Variants in MED13L observed in about 807,000 individuals in gnomAD.
MED13L encodes the protein mediator complex subunit 13L.
A neutral mutation model predicts 220.9 loss-of-function variants in MED13L; 7 were observed. That is an observed-to-expected ratio of 0.03 (90% CI 0.02 to 0.06). MED13L has a LOEUF of 0.06. MED13L is among the 10% of genes least tolerant of loss of function. The pLI, the probability that MED13L is intolerant of heterozygous loss-of-function variation, is 1.00. For missense variants in MED13L, 1,965 were observed against 2,760.5 expected (o/e 0.71, Z 6.46); for synonymous variants, 1,011 against 1,015.2 (o/e 1.00, Z 0.08).
At chr12:116,232,683 A>G (rs376611218) in intron 2 of MED13L, among the ~76,000 whole-genome samples, 1 of 152,166 alleles carries the variant, frequency 6.6e-6, no homozygotes. Flanking sequence ...GGGGCAAGCA[A>G]TTGGCAGTTC....
intron 2 of MED13L, among the ~76,000 whole-genome samples, chr12:116,180,564 C>A (rs773411382): frequency 2.6e-5 from 4 of 152,076 alleles, no homozygotes; most frequent in Non-Finnish European, 5.9e-5. Flanking sequence ...TGGTCCCAAG[C>A]GTTTCAAATA....
At chr12:115,998,055 G>A (rs780850800) in intron 14 of MED13L, among the ~76,000 whole-genome samples, 6 of 152,118 alleles carry the variant, frequency 3.9e-5, no homozygotes, top group Non-Finnish European at 5.9e-5. Context: ...ATTTTTTCCA[G>A]ACAGATATTA....
intron 1 of MED13L, among the ~76,000 whole-genome samples, chr12:116,241,241 G>A (rs1223061411): frequency 6.6e-6 from 1 of 150,814 alleles, no homozygotes; most frequent in East Asian, 2.0e-4. Flanking sequence ...GGAGGCAGAG[G>A]TTGTAGTGAG....
At chr12:115,975,427 T>C (rs1453157081) in intron 24 of MED13L, 88 bp downstream of exon 24, 7 of 1,590,956 alleles carry the variant, frequency 4.4e-6, no homozygotes, top group African/African-American at 1.3e-5. Context: ...CTGTACCCAC[T>C]TCATTTACAT....
chr12:116,059,936 C>A (rs964739258), intron 4 of MED13L, among the ~76,000 whole-genome samples: 1 of 152,064 alleles, frequency 6.6e-6, no homozygotes, highest in Non-Finnish European at 1.5e-5. Context: ...ATAATACAAA[C>A]TGAAATATAC....
At position 116,107,244 on chromosome 12, in the gene MED13L, G is replaced by A. The variant is rs79177524; in HGVS notation, c.395+4184C>T. Reference sequence around the variant, plus strand: ...ACTATGTTATCTTCTGTCTGATATCGTTATGGACAATGCTCTTGAGTAAGT... The same window carrying A: ...ACTATGTTATCTTCTGTCTGATATCATTATGGACAATGCTCTTGAGTAAGT... On this transcript the variant is annotated intron_variant, in intron 3 of 30. Transcript: ENST00000281928. 8.3e-3 allele frequency among the ~76,000 whole-genome samples: 1,258 copies of A among 152,296 alleles called. 24 individuals carry two copies. Among genetic ancestry groups the A allele is most frequent in the African/African-American group, 0.029 (1,188 of 41,558 alleles).
chr12:116,237,024 T>A, intron 2 of MED13L: 1 of 294,204 alleles, frequency 3.4e-6, no homozygotes, highest in Non-Finnish European at 5.1e-6. Context: ...TTTGTCCAAT[T>A]AGGCTCAAAA....
intron 4 of MED13L, among the ~76,000 whole-genome samples, chr12:116,062,088 T>A (rs1869544916): frequency 6.6e-6 from 1 of 151,610 alleles, no homozygotes; most frequent in Non-Finnish European, 1.5e-5. Flanking sequence ...CTAACATTAA[T>A]ACCTTGAATC....
intron 1 of MED13L, among the ~76,000 whole-genome samples, chr12:116,247,545 G>A (rs1871198636): frequency 6.6e-6 from 1 of 152,192 alleles, no homozygotes; most frequent in Non-Finnish European, 1.5e-5. Flanking sequence ...CTCAGCCATA[G>A]CTATGTTGCT....
intron 2 of MED13L, among the ~76,000 whole-genome samples, chr12:116,203,042 A>G (rs922410308): frequency 6.6e-6 from 1 of 152,170 alleles, no homozygotes; most frequent in African/African-American, 2.4e-5. Context: ...AGAAACCAAC[A>G]CTGGACCTTT....
chr12:115,976,465 G>C (rs762362515), intron 23 of MED13L, among the ~76,000 whole-genome samples: 1 of 152,198 alleles, frequency 6.6e-6, no homozygotes, highest in African/African-American at 2.4e-5. Context: ...TACACTGTCA[G>C]AAGTCAGAAT....
chr12:116,200,054 A>G (rs146326106), intron 2 of MED13L, among the ~76,000 whole-genome samples: 269 of 147,906 alleles, frequency 1.8e-3, no homozygotes, highest in African/African-American at 6.6e-3. Flanking sequence ...AGCACTCTGG[A>G]TGGCCAAGGC....
intron 30 of MED13L, among the ~76,000 whole-genome samples, chr12:115,962,221 G>A (rs1875812807): frequency 6.6e-6 from 1 of 152,082 alleles, no homozygotes; most frequent in African/African-American, 2.4e-5. Context: ...TTGGCACCAG[G>A]GACCAGTTTC....
intron 2 of MED13L, among the ~76,000 whole-genome samples, chr12:116,152,377 G>T (rs1283327729): frequency 1.3e-5 from 2 of 152,112 alleles, no homozygotes; most frequent in Non-Finnish European, 2.9e-5. Context: ...ATTGTTTGTG[G>T]TTTTTTGCTT....
At chr12:116,071,025 T>A (rs1870326805) in intron 4 of MED13L, among the ~76,000 whole-genome samples, 1 of 152,226 alleles carries the variant, frequency 6.6e-6, no homozygotes, top group Non-Finnish European at 1.5e-5. Flanking sequence ...TAATAAAATT[T>A]ACTATTATTT....
chr12:116,132,734 A>G (rs922925345), intron 2 of MED13L, among the ~76,000 whole-genome samples: 3 of 152,190 alleles, frequency 2.0e-5, no homozygotes, highest in Non-Finnish European at 1.5e-5. Context: ...AGACTGGCCA[A>G]CATGGCGAAA....
intron 2 of MED13L, among the ~76,000 whole-genome samples, chr12:116,123,118 T>C (rs1875235047): frequency 6.6e-6 from 1 of 152,200 alleles, no homozygotes; most frequent in African/African-American, 2.4e-5. Context: ...CTAGAATGCA[T>C]AAACAAGGGT....
chr12:115,993,250 A>C (rs948995651), intron 16 of MED13L, among the ~76,000 whole-genome samples: 1 of 152,174 alleles, frequency 6.6e-6, no homozygotes, highest in Non-Finnish European at 1.5e-5. Context: ...ACTTTCTTAG[A>C]TGTATATGTA....
intron 2 of MED13L, among the ~76,000 whole-genome samples, chr12:116,133,405 G>A (rs995162798): frequency 2.0e-5 from 3 of 152,144 alleles, no homozygotes; most frequent in Non-Finnish European, 4.4e-5. Context: ...GAAACAGCCT[G>A]TGCCTGAAGA....
Sources: allele counts gnomAD v4.1 joint callset (sites outside exome capture counted in the v4.1 genomes callset), GRCh38; gene constraint gnomAD v4.1.1; transcripts MANE v1.5; gene names NCBI Gene and HGNC (gene_info 2026-07-23, HGNC 2026-07-21).